MATR3: variants seen among roughly 807,000 people sequenced by gnomAD.
The protein encoded by MATR3 is matrin 3, also known as matrin-3.
A neutral mutation model predicts 85.5 loss-of-function variants in MATR3; 4 were observed. The ratio of observed to expected loss-of-function variants is 0.05; its 90% confidence interval spans 0.02 to 0.11. The LOEUF (loss-of-function observed/expected upper bound fraction) is 0.11, where lower values mean the gene tolerates loss of function less well. Among genes scored for constraint, MATR3 ranks in the 10% least tolerant of loss-of-function variants. MATR3 has a pLI of 1.00. For missense variants in MATR3, 685 were observed against 1,016.1 expected (o/e 0.67, Z 4.43); for synonymous variants, 336 against 343.1 (o/e 0.98, Z 0.23).
intron 2 of MATR3, chr5:139,278,242 TATATATAC>T: frequency 2.3e-6 from 1 of 430,472 alleles, no homozygotes; most frequent in Non-Finnish European, 4.7e-6. Context: ...AATATATATA[TATATATAC>T]ACACACACAC....
At chr5:139,297,979 T>C (rs1754245306) in intron 1 of MATR3, among the ~76,000 whole-genome samples, 1 of 152,064 alleles carries the variant, frequency 6.6e-6, no homozygotes, top group African/African-American at 2.4e-5. Context: ...GTAAGAAAAG[T>C]AAAAGCAGAG....
chr5:139,322,509 A>G lies in MATR3; in HGVS notation c.1778+3A>G, dbSNP rs568895329. On this transcript the variant is annotated splice_donor_region_variant and intron_variant, in intron 11 of 14. Transcript: ENST00000394805. The stretch of plus-strand genomic sequence containing the variant: ...TTACTGAAAAAAGATAAATCCCGGT[A>G]ATTTCATTTTGTTTTTCATATGTGT... The G allele has an allele frequency of 3.3e-5, 52 of 1,584,452 alleles. No homozygotes were observed. The East Asian group carries it at 1.0e-3, about 31-fold the overall frequency.
At chr5:139,282,701 T>A (rs1753573212) in intron 3 of MATR3, 1 of 152,254 alleles carries the variant, frequency 6.6e-6, no homozygotes, top group Non-Finnish European at 1.5e-5. Context: ...TTGTTCAGAT[T>A]TCATTAGTTT....
chr5:139,302,535 A>G (rs1273319739), intron 1 of MATR3, among the ~76,000 whole-genome samples: 7 of 152,230 alleles, frequency 4.6e-5, no homozygotes, highest in Non-Finnish European at 8.8e-5. Context: ...ATAAAATTTA[A>G]TAAATGAAGA....
chr5:139,331,062 A>G lies in MATR3; in HGVS notation c.*1667A>G. 1 of 454,060 alleles carries G rather than the reference A, an allele frequency of 2.2e-6. No individual in the cohort carries two copies. Among genetic ancestry groups the G allele is most frequent in the Non-Finnish European group, 4.4e-6 (1 of 226,758 alleles). The allele number at this position is 454,060 out of a possible 1,614,324, so 28.1% of individuals were successfully genotyped here. A position where few individuals can be genotyped will look rare whatever the true frequency, so the allele number is the denominator to read the frequency against. Reference sequence around the variant, plus strand: ...CGCTTCAGCCTCCCAAAGTGCTGGGACTGTAGGCATGAGCCACCATCCCTG... The same window carrying G: ...CGCTTCAGCCTCCCAAAGTGCTGGGGCTGTAGGCATGAGCCACCATCCCTG... On this transcript the variant is annotated 3_prime_UTR_variant, in exon 15 of 15. Coordinates refer to ENST00000394805, the MANE Select transcript of MATR3 (RefSeq NM_018834.6).
intron 1 of MATR3, among the ~76,000 whole-genome samples, chr5:139,297,915 AG>A (rs1754239429): frequency 6.6e-6 from 1 of 152,174 alleles, no homozygotes; most frequent in African/African-American, 2.4e-5. Flanking sequence ...ACAGGTTAGT[AG>A]GAAAACAAGA....
chr5:139,278,252 C>T (rs1753372445), intron 2 of MATR3: 1 of 446,636 alleles, frequency 2.2e-6, no homozygotes, highest in South Asian at 1.6e-5. Context: ...TATATATACA[C>T]ACACACACAC....
At position 139,315,038 on chromosome 5, in the gene MATR3, A is replaced by G. The variant is rs528312318; in HGVS notation, c.974+302A>G. ...TAGTATTTGATATGTAGAGTGGATT[A>G]AACAGTAGCATTTTTAATAATACAT... On this transcript the variant is annotated intron_variant, in intron 3 of 14. Coordinates refer to ENST00000394805, the MANE Select transcript of MATR3 (RefSeq NM_018834.6). 3.2e-4 allele frequency: 96 copies of G among 303,380 alleles called. 1 individual carries two copies. In the South Asian group the frequency reaches 3.3e-3, roughly 10 times the overall value. 18.8% of individuals were successfully genotyped at this position (303,380 alleles called of 1,614,324 possible). A position where few individuals can be genotyped will look rare whatever the true frequency, so the allele number is the denominator to read the frequency against.
At chr5:139,275,971 AAAC>A in intron 1 of MATR3, 1 of 451,380 alleles carries the variant, frequency 2.2e-6, no homozygotes, top group African/African-American at 2.0e-5. Context: ...CAAGAGATGA[AAAC>A]AAAGCTAAAC....
chr5:139,298,164 G>C (rs760447453), intron 1 of MATR3, among the ~76,000 whole-genome samples: 9 of 152,160 alleles, frequency 5.9e-5, no homozygotes, highest in Non-Finnish European at 8.8e-5. Flanking sequence ...GGATTATTAG[G>C]ATATTAACCG....
intron 1 of MATR3, among the ~76,000 whole-genome samples, chr5:139,299,276 T>C (rs1754319723): frequency 6.6e-6 from 1 of 152,230 alleles, no homozygotes. Flanking sequence ...TTGAGTAGTT[T>C]CTGTAAATGG....
chr5:139,325,892 C>T (rs1046151231), intron 13 of MATR3, among the ~76,000 whole-genome samples: 4 of 151,944 alleles, frequency 2.6e-5, no homozygotes, highest in South Asian at 2.1e-4. Flanking sequence ...TCCCTTTTTT[C>T]GTAAAATTTC....
intron 8 of MATR3, 102 bp from the exon 9 acceptor site, chr5:139,319,232 C>G (rs1276678890): frequency 7.4e-7 from 1 of 1,351,610 alleles, no homozygotes; most frequent in East Asian, 2.3e-5. Flanking sequence ...AGCAAGACCT[C>G]GTCTCTATAA....
rs1181640374 is a variant in MATR3, at chr5:139,277,051, T to C, written c.-257+901T>C. ...TGTTGCCCCATTAAAGTGGTAGATA[T>C]TGAGTTCCCTTTGTAGTAATTTTGT... On this transcript the variant is annotated intron_variant, in intron 2 of 16. Transcript: ENST00000509990. 3.3e-5 allele frequency among the ~76,000 whole-genome samples: 5 copies of C among 152,170 alleles called. No individual in the cohort carries two copies. The East Asian group carries it at 5.8e-4, about 18-fold the overall frequency.
At chr5:139,326,005 T>C (rs964701352) in intron 13 of MATR3, among the ~76,000 whole-genome samples, 158 bp from the exon 14 acceptor site, 1 of 152,232 alleles carries the variant, frequency 6.6e-6, no homozygotes, top group South Asian at 2.1e-4. Context: ...ATCAATTAGG[T>C]AAAAGCAAAA....
intron 1 of MATR3, among the ~76,000 whole-genome samples, chr5:139,299,107 C>T (rs111711555): frequency 2.1e-3 from 317 of 152,062 alleles, no homozygotes; most frequent in Non-Finnish European, 3.3e-3. Context: ...AGATTTATTT[C>T]CAAAGTCTCG....
At chr5:139,323,100 TA>T in intron 12 of MATR3, 133 bp downstream of exon 12, 1 of 902,314 alleles carries the variant, frequency 1.1e-6, no homozygotes, top group South Asian at 1.9e-5. Flanking sequence ...AACCAGAATA[TA>T]AACATTTAAA....
At chr5:139,322,429 A>G in intron 10 of MATR3, 34 bp from the exon 11 acceptor site, 1 of 1,582,774 alleles carries the variant, frequency 6.3e-7, no homozygotes, top group Non-Finnish European at 8.7e-7. Flanking sequence ...TATTCTGCAA[A>G]TGTGTTAACT....
intron 1 of MATR3, among the ~76,000 whole-genome samples, chr5:139,303,114 G>GT (rs1561930482): frequency 1.4e-5 from 2 of 147,198 alleles, no homozygotes; most frequent in African/African-American, 5.0e-5. Flanking sequence ...TATTTGTTTT[G>GT]TTTTTTGAGA....
Sources: gnomAD v4.1 joint callset for allele counts (sites outside exome capture counted in the v4.1 genomes callset) on GRCh38, gnomAD v4.1.1 for gene constraint, MANE v1.5 for transcripts, NCBI Gene and HGNC (gene_info 2026-07-23, HGNC 2026-07-21) for gene names.